LCMT1: variants seen among roughly 807,000 people sequenced by gnomAD.
The protein encoded by LCMT1 is leucine carboxyl methyltransferase 1.
In LCMT1, 32 loss-of-function variants were observed where a neutral mutation model predicts 47.7. The ratio of observed to expected loss-of-function variants is 0.67; its 90% CI spans 0.51 to 0.90. LCMT1 has a LOEUF of 0.90. Among genes scored for constraint, LCMT1 ranks in the 40% least tolerant of loss-of-function variants. The pLI is 0.00. For synonymous variants in LCMT1, 152 were observed against 149.7 expected, an observed-to-expected ratio of 1.02 and a Z score of -0.11; for missense variants, 375 against 415.2, an observed-to-expected ratio of 0.90 and a Z score of 0.84.
intron 5 of LCMT1, among the ~76,000 whole-genome samples, chr16:25,156,798 C>T (rs1961269593): frequency 6.6e-6 from 1 of 152,178 alleles, no homozygotes; most frequent in Non-Finnish European, 1.5e-5. Context: ...ATTTTAAGCC[C>T]CATGAGGGCA....
chr16:25,134,026 G>A (rs992244360), intron 3 of LCMT1, among the ~76,000 whole-genome samples: 13 of 135,422 alleles, frequency 9.6e-5, no homozygotes, highest in Admixed American at 4.6e-4. Flanking sequence ...GTGAGACTTC[G>A]TCTCTTAAAA....
At chr16:25,175,449 C>T (rs1359232953) in intron 10 of LCMT1, among the ~76,000 whole-genome samples, 3 of 149,458 alleles carry the variant, frequency 2.0e-5, no homozygotes, top group Admixed American at 6.8e-5. Flanking sequence ...CATGATGAAA[C>T]CCCGTCTCTA....
chr16:25,122,044 T>C (rs1489279891), intron 1 of LCMT1, among the ~76,000 whole-genome samples: 1 of 152,230 alleles, frequency 6.6e-6, no homozygotes, highest in Non-Finnish European at 1.5e-5. Context: ...TTTGCACATG[T>C]GTGTGAATTT....
intron 1 of LCMT1, among the ~76,000 whole-genome samples, chr16:25,119,069 GAGAC>G (rs1959888012): frequency 1.3e-5 from 2 of 152,212 alleles, no homozygotes; most frequent in South Asian, 4.1e-4. Context: ...TGTCCCCTGT[GAGAC>G]AGGCTGGTGC....
chr16:25,140,655 CAGGCT>C (rs1203896620), intron 4 of LCMT1: 1 of 172,992 alleles, frequency 5.8e-6, no homozygotes, highest in Non-Finnish European at 1.2e-5. Context: ...GTAAGGTATG[CAGGCT>C]GGGCTGGGCA....
At chr16:25,177,181 A>AG (rs1327598483) in intron 10 of LCMT1, among the ~76,000 whole-genome samples, 5 of 151,716 alleles carry the variant, frequency 3.3e-5, no homozygotes, top group African/African-American at 9.7e-5. Flanking sequence ...CTCTGTCTCC[A>AG]GAAAAAAAAA....
intron 10 of LCMT1, among the ~76,000 whole-genome samples, chr16:25,176,944 C>A (rs1961963798): frequency 6.6e-6 from 1 of 151,576 alleles, no homozygotes; most frequent in Non-Finnish European, 1.5e-5. Context: ...CTTTGGGAGG[C>A]TAAGGCAGGC....
At chr16:25,151,930 CA>C (rs34534987) in intron 5 of LCMT1, among the ~76,000 whole-genome samples, 34,559 of 151,840 alleles carry the variant, frequency 0.23, 4,041 homozygotes, top group East Asian at 0.34. Flanking sequence ...GGTGAACATA[CA>C]TATTTAATAA....
chr16:25,151,732 CA>C, intron 5 of LCMT1, 117 bp downstream of exon 5: 2 of 227,978 alleles, frequency 8.8e-6, no homozygotes, highest in Non-Finnish European at 1.5e-5. Context: ...TGGTGTTATA[CA>C]ATGTATTGTC....
At chr16:25,137,760 A>G (rs1960546097) in intron 3 of LCMT1, among the ~76,000 whole-genome samples, 1 of 152,118 alleles carries the variant, frequency 6.6e-6, no homozygotes, top group African/African-American at 2.4e-5. Flanking sequence ...TTTGTTTTAA[A>G]AAGATAAATC....
chr16:25,157,134 TATG>T (rs1171910562), intron 5 of LCMT1, among the ~76,000 whole-genome samples: 3 of 150,786 alleles, frequency 2.0e-5, no homozygotes, highest in Non-Finnish European at 1.5e-5. Flanking sequence ...TTATTAGTCA[TATG>T]ATACACCAGC....
intron 1 of LCMT1, among the ~76,000 whole-genome samples, chr16:25,119,646 C>G (rs1959906780): frequency 1.3e-5 from 2 of 152,102 alleles, no homozygotes; most frequent in African/African-American, 4.8e-5. Context: ...ATGTTCTCCC[C>G]TTTAGCAGGT....
intron 4 of LCMT1, among the ~76,000 whole-genome samples, chr16:25,149,259 C>T (rs1368359563): frequency 6.6e-6 from 1 of 152,088 alleles, no homozygotes; most frequent in Non-Finnish European, 1.5e-5. Flanking sequence ...TTTTTTAAAG[C>T]TCATCAGCTA....
chr16:25,170,777 A>T lies in LCMT1; in HGVS notation c.856A>T (p.Asn286Tyr). The change falls in exon 9 of 11, where the codon AAC becomes TAC. Residue 286 changes from asparagine to tyrosine, a missense_variant. Transcript: ENST00000399069. The stretch of plus-strand genomic sequence containing the variant: ...GGCCGTCGACATGATGGAGTTGTAC[A>T]ACAGGTTACCTCGAGCTGAAGTGAG... Reference protein sequence around the residue: ...ASAVDMMELYNRLPRAEVSRI... With the variant: ...ASAVDMMELYYRLPRAEVSRI... 6.2e-7 allele frequency: 1 copy of T among 1,613,016 alleles called. No individual in the cohort carries two copies. The highest frequency in any genetic ancestry group is 1.3e-5 in the African/African-American group (1 of 75,052).
At chr16:25,120,755 T>TGG (rs1435129878) in intron 1 of LCMT1, among the ~76,000 whole-genome samples, 43 of 145,382 alleles carry the variant, frequency 3.0e-4, no homozygotes, top group African/African-American at 1.1e-3. Flanking sequence ...TTTTTTTGTT[T>TGG]TTTTTTTTTT....
rs762036764 is a variant in LCMT1 at position 25,178,043 on chromosome 16, G to A, written c.*20G>A. 1.3e-5 allele frequency: 21 copies of A among 1,612,726 alleles called. No individual in the cohort carries two copies. The highest frequency in any genetic ancestry group is 1.7e-5 in the Non-Finnish European group (20 of 1,179,326). ...TATTAATCTGTCGAAGGCTTATGCCGAGCCAGAAGCCGAAGCCACTTGCCC... is the reference window on the plus strand; with the variant it reads ...TATTAATCTGTCGAAGGCTTATGCCAAGCCAGAAGCCGAAGCCACTTGCCC... On this transcript the variant is annotated 3_prime_UTR_variant, in exon 11 of 11. Transcript: ENST00000399069.
At chr16:25,140,368 C>T (rs1960648262) in intron 4 of LCMT1, 121 bp downstream of exon 4, 1 of 737,724 alleles carries the variant, frequency 1.4e-6, no homozygotes, top group African/African-American at 1.8e-5. Context: ...TCACTGCCCC[C>T]CACCAACTTT....
chr16:25,143,300 A>G (rs565158229), intron 4 of LCMT1: 1 of 152,324 alleles, frequency 6.6e-6, no homozygotes, highest in Admixed American at 6.5e-5. Context: ...ATCTTAACCC[A>G]GGACTCGTGC....
At chr16:25,138,606 C>T (rs538304004) in intron 3 of LCMT1, among the ~76,000 whole-genome samples, 2 of 152,218 alleles carry the variant, frequency 1.3e-5, no homozygotes, top group Non-Finnish European at 2.9e-5. Context: ...AATGTTACAT[C>T]CTGAGCCAGG....
Sources: gnomAD v4.1 joint callset for allele counts (sites outside exome capture counted in the v4.1 genomes callset) on GRCh38, gnomAD v4.1.1 for gene constraint, MANE v1.5 for transcripts, NCBI Gene and HGNC (gene_info 2026-07-23, HGNC 2026-07-21) for gene names.